Variants in SF1 observed in about 807,000 individuals in gnomAD.
The protein encoded by SF1 is splicing factor 1, also known as branch point-binding protein.
SF1 carries 7 observed loss-of-function variants against 62.5 expected under a neutral mutation model. The observed-to-expected ratio is 0.11, with a 90% CI of 0.06 to 0.21. The LOEUF (loss-of-function observed/expected upper bound fraction) is 0.21. Among genes scored for constraint, SF1 ranks in the 10% least tolerant of loss-of-function variants. The pLI, the probability that SF1 is intolerant of heterozygous loss-of-function variation, is 1.00. For missense variants in SF1, 578 were observed against 884.0 expected, an observed-to-expected ratio of 0.65 and a Z score of 4.39; for synonymous variants, 394 against 323.6, an observed-to-expected ratio of 1.22 and a Z score of -2.33.
At chr11:64,777,407 T>G in intron 1 of SF1, 1 of 729,406 alleles carries the variant, frequency 1.4e-6, no homozygotes, top group Non-Finnish European at 1.7e-6. Context: ...CTAAACATAC[T>G]GAACAGATTT....
intron 3 of SF1, chr11:64,772,626 G>C (rs1938511558): frequency 1.0e-6 from 1 of 985,176 alleles, no homozygotes; most frequent in Non-Finnish European, 1.2e-6. Flanking sequence ...AATTCAGTGA[G>C]AGGGAGAGAC....
chr11:64,767,609 C>A lies in SF1; in HGVS notation c.1304G>T (p.Gly435Val). The A allele has an allele frequency of 6.3e-7, 1 of 1,583,398 alleles. No homozygotes were observed. The highest frequency in any genetic ancestry group is 1.4e-5 in the African/African-American group (1 of 73,340). The change falls in exon 10 of 13, where the codon GGC becomes GTC. Residue 435 changes from glycine (G) to valine (V), a missense_variant. By Grantham distance (109) the Gly-to-Val change is moderately radical. Coordinates refer to ENST00000377390, the MANE Select transcript of SF1 (RefSeq NM_004630.4). ...MQPPPPPMNQ[G>V]PHPPGHHGPP... ...GCCATGGTGCCCAGGAGGGTGGGGG[C>A]CCTGGTTCATCGGTGGTGGTGGTGG...
rs774076314 is a variant in SF1, at chr11:64,765,452, G to T, written c.*366C>A. 22 of 1,609,866 alleles carry T rather than the reference G, an allele frequency of 1.4e-5. No homozygotes were observed. Among genetic ancestry groups the T allele is most frequent in the Admixed American group, 1.7e-5 (1 of 59,970 alleles). ...GTTGCTGAGGCTGTCTGCCTGGAAG[G>T]GTCACCAATGGGCGCGGAAAGTCCT... is the stretch of plus-strand genomic sequence containing the variant. On this transcript the variant is annotated 3_prime_UTR_variant, in exon 13 of 13. Coordinates refer to ENST00000377390, the MANE Select transcript of SF1 (RefSeq NM_004630.4).
chr11:64,773,354 A>G (rs573792233), intron 3 of SF1, 76 bp downstream of exon 3: 24 of 1,566,818 alleles, frequency 1.5e-5, no homozygotes, highest in African/African-American at 4.1e-5. Context: ...AACTGACACA[A>G]TATGTTGCCA....
chr11:64,778,054 C>T (rs1282672231), intron 1 of SF1: 11 of 1,004,074 alleles, frequency 1.1e-5, no homozygotes, highest in Non-Finnish European at 1.2e-5. Flanking sequence ...GCGGCTGCGG[C>T]GGCGACACGC....
Position 64,766,069 on chromosome 11 carries a change from C to G in SF1, c.1669G>C (p.Ala557Pro), listed in dbSNP as rs999283110. The part of the protein sequence containing the change: ...QQAAAAASPG[A>P]PQMQGNPTMV... ...GTGGGGTTGCCTTGCATCTGAGGGG[C>G]TCCTGGAGAAGCTGCGGCAGCCGCC... The change falls in exon 13 of 13, where the codon GCC (alanine) becomes CCC (proline). Residue 557 changes from alanine to proline, a missense_variant. Around this residue, in one of 7 missense-constraint regions of SF1, gnomAD observed 410 missense variants for 452.4 expected, o/e 0.91. Coordinates refer to ENST00000377390, the MANE Select transcript of SF1 (RefSeq NM_004630.4). 6.2e-7 allele frequency: 1 copy of G among 1,611,924 alleles called. No individual in the cohort carries two copies. Among genetic ancestry groups the G allele is most frequent in the South Asian group, 1.1e-5 (1 of 91,044 alleles).
chr11:64,777,710 G>A (rs965454744), intron 1 of SF1: 25 of 985,452 alleles, frequency 2.5e-5, no homozygotes, highest in South Asian at 4.7e-5. Context: ...AGCAATAGTG[G>A]GCCCCCAGTC....
chr11:64,765,273 T>C lies in SF1; in HGVS notation c.*545A>G. On this transcript the variant is annotated 3_prime_UTR_variant, in exon 13 of 13. Transcript: ENST00000377390. ...GCAGAAGACCGGGGAGAGCATCTCC[T>C]TGGACGGAGTCTGAAGAAAGGAAAA... 1 of 576,200 alleles carries C rather than the reference T, an allele frequency of 1.7e-6. No homozygotes were observed. Among genetic ancestry groups the C allele is most frequent in the Non-Finnish European group, 3.1e-6 (1 of 318,772 alleles). 35.7% of individuals were successfully genotyped at this position (576,200 alleles called of 1,614,324 possible).
At chr11:64,769,177 A>G in intron 7 of SF1, 46 bp downstream of exon 7, 1 of 1,609,238 alleles carries the variant, frequency 6.2e-7, no homozygotes, top group Non-Finnish European at 8.5e-7. Context: ...CTCTACTTCC[A>G]TAGGTTCTTC....
chr11:64,766,604 C>G, intron 12 of SF1: 1 of 417,474 alleles, frequency 2.4e-6, no homozygotes, highest in Non-Finnish European at 4.3e-6. Context: ...CAGGCTCAGT[C>G]CAGCCAGCCG....
rs1017035259 is a variant in SF1 at position 64,778,465 on chromosome 11, G to A, written c.-73C>T. On this transcript the variant is annotated 5_prime_UTR_variant, in exon 1 of 13. Coordinates refer to ENST00000377390, the MANE Select transcript of SF1 (RefSeq NM_004630.4). ...CTTCTCCTTCGCAAGCCTCCCGGGGGGAGGGGACCCGAATGCGCTGCCGGA... is the reference window on the plus strand; with the variant it reads ...CTTCTCCTTCGCAAGCCTCCCGGGGAGAGGGGACCCGAATGCGCTGCCGGA... The A allele has an allele frequency of 1.8e-5, 22 of 1,211,200 alleles. No homozygotes were observed. Among genetic ancestry groups the A allele is most frequent in the African/African-American group, 6.3e-5 (4 of 63,282 alleles). The allele number at this position is 1,211,200 out of a possible 1,614,324, so 75.0% of individuals were successfully genotyped here. A position where few individuals can be genotyped will look rare whatever the true frequency, so the allele number is the denominator to read the frequency against.
At chr11:64,777,486 G>A (rs530540941) in intron 1 of SF1, 2 of 985,024 alleles carry the variant, frequency 2.0e-6, no homozygotes, top group South Asian at 9.4e-5. Flanking sequence ...ACCATCATCT[G>A]AAGCATGCCA....
intron 12 of SF1, 34 bp from the exon 13 acceptor site, chr11:64,766,189 C>G: frequency 6.3e-7 from 1 of 1,577,404 alleles, no homozygotes; most frequent in East Asian, 2.2e-5. Context: ...GTCACACGCG[C>G]GGGGGCACAC....
At chr11:64,766,819 CTGCT>C in intron 12 of SF1, 77 bp downstream of exon 12, 2 of 1,187,884 alleles carry the variant, frequency 1.7e-6, no homozygotes, top group Non-Finnish European at 2.3e-6. Context: ...AGACACCTGC[CTGCT>C]TGTGTGAGGC....
chr11:64,772,267 G>A (rs1390314772), intron 3 of SF1: 20 of 984,596 alleles, frequency 2.0e-5, no homozygotes, highest in Non-Finnish European at 2.4e-5. Flanking sequence ...ATTATTAAAG[G>A]GAAAAAGGCC....
chr11:64,778,402 G>A lies in SF1; in HGVS notation c.-10C>T. 8.1e-7 allele frequency: 1 copy of A among 1,227,552 alleles called. No individual in the cohort carries two copies. Among genetic ancestry groups the A allele is most frequent in the Non-Finnish European group, 1.0e-6 (1 of 984,126 alleles). 76.0% of individuals were successfully genotyped at this position (1,227,552 alleles called of 1,614,324 possible). A position where few individuals can be genotyped will look rare whatever the true frequency, so the allele number is the denominator to read the frequency against. ...TCGCTCCGGTCGCCATGGCGCCCCC[G>A]GGGACAGGCACCGGCACCTGCTTTT... is the stretch of plus-strand genomic sequence containing the variant. On this transcript the variant is annotated 5_prime_UTR_variant, in exon 1 of 13. Transcript: ENST00000377390.
At chr11:64,778,033 C>G in intron 1 of SF1, 1 of 1,009,384 alleles carries the variant, frequency 9.9e-7, no homozygotes, top group Non-Finnish European at 1.2e-6. Flanking sequence ...TACGCGGCGG[C>G]TGGGGTGGCG....
Position 64,770,354 on chromosome 11 carries a change from T to C in SF1, c.291A>G (p.Arg97=). The change falls in exon 4 of 13, where the codon CGA becomes CGG. Residue 97 remains arginine, a synonymous_variant. Transcript: ENST00000377390. Reference sequence around the variant, plus strand: ...CCAGCTTTTTGCGGGTGCGGAACTCTCGGGTGTTAAGCCGCTTCCCCTCGC... The same window carrying C: ...CCAGCTTTTTGCGGGTGCGGAACTCCCGGGTGTTAAGCCGCTTCCCCTCGC... The part of the protein sequence containing the change: ...YNSEGKRLNT[R]EFRTRKKLEE... 6.2e-7 allele frequency: 1 copy of C among 1,614,124 alleles called. No homozygotes were observed. Among genetic ancestry groups the C allele is most frequent in the Non-Finnish European group, 8.5e-7 (1 of 1,180,030 alleles).
intron 2 of SF1, among the ~76,000 whole-genome samples, chr11:64,775,492 G>A (rs1434947705): frequency 2.0e-5 from 3 of 152,156 alleles, no homozygotes; most frequent in Non-Finnish European, 4.4e-5. Flanking sequence ...TACTGTGAAA[G>A]GAGACAGACA....
Sources: allele counts gnomAD v4.1 joint callset (sites outside exome capture counted in the v4.1 genomes callset), GRCh38; gene constraint gnomAD v4.1.1; regional missense constraint gnomAD v4.1.1; transcripts MANE v1.5; gene names NCBI Gene and HGNC (gene_info 2026-07-23, HGNC 2026-07-21).